Variants in CAMTA1 observed in about 807,000 individuals in gnomAD.
CAMTA1 encodes calmodulin-binding transcription activator 1.
In CAMTA1, 27 loss-of-function variants were observed where a neutral mutation model predicts 170.9. The observed-to-expected ratio is 0.16, with a 90% CI of 0.12 to 0.22. The LOEUF (loss-of-function observed/expected upper bound fraction) is 0.22, where lower values mean the gene tolerates loss of function less well. CAMTA1 is among the 10% of genes least tolerant of loss of function. The pLI is 1.00. For missense variants in CAMTA1, 1,619 were observed against 2,217.2 expected, an observed-to-expected ratio of 0.73 and a Z score of 5.42; for synonymous variants, 833 against 891.5, an observed-to-expected ratio of 0.93 and a Z score of 1.17.
chr1:7,412,649 T>A (rs1365387598), intron 5 of CAMTA1, among the ~76,000 whole-genome samples: 79 of 152,140 alleles, frequency 5.2e-4, no homozygotes, highest in African/African-American at 1.9e-3. Flanking sequence ...TAGATTCTGG[T>A]TATTAGCCCT....
At chr1:7,713,958 C>T (rs959363647) in intron 11 of CAMTA1, among the ~76,000 whole-genome samples, 6 of 152,168 alleles carry the variant, frequency 3.9e-5, no homozygotes, top group African/African-American at 1.4e-4. Flanking sequence ...CGGGGGTCCA[C>T]ACTGAAGAGG....
At chr1:7,163,371 T>G (rs1647663324) in intron 4 of CAMTA1, among the ~76,000 whole-genome samples, 1 of 151,436 alleles carries the variant, frequency 6.6e-6, no homozygotes, top group Non-Finnish European at 1.5e-5. Flanking sequence ...CATATGGATG[T>G]TGAGGTCATC....
intron 4 of CAMTA1, among the ~76,000 whole-genome samples, chr1:7,242,444 T>C (rs1574140586): frequency 6.6e-6 from 1 of 152,234 alleles, no homozygotes; most frequent in Non-Finnish European, 1.5e-5. Flanking sequence ...CAATCATGGT[T>C]AAGAAAGTTT....
intron 6 of CAMTA1, among the ~76,000 whole-genome samples, chr1:7,600,581 A>T (rs1368531173): frequency 6.6e-6 from 1 of 151,584 alleles, no homozygotes. Context: ...GAAGGTCAGC[A>T]GATAAGTGAA....
At chr1:7,421,824 A>ACCTATGTCTCCT (rs6143106) in intron 5 of CAMTA1, among the ~76,000 whole-genome samples, 141,861 of 152,046 alleles carry the variant, frequency 0.93, 66,308 homozygotes, top group East Asian at 1. Context: ...GACAGAGGGG[A>ACCTATGTCTCCT]CCATACCCTC....
At chr1:6,869,876 T>C (rs1269166672) in intron 3 of CAMTA1, among the ~76,000 whole-genome samples, 1 of 152,192 alleles carries the variant, frequency 6.6e-6, no homozygotes. Context: ...TTGGCAGAGA[T>C]TAAGCTGATA....
chr1:6,876,470 C>T (rs540556571), intron 3 of CAMTA1, among the ~76,000 whole-genome samples: 1 of 151,780 alleles, frequency 6.6e-6, no homozygotes, highest in African/African-American at 2.4e-5. Flanking sequence ...TCTACCGATT[C>T]TCCTGCCTCA....
intron 6 of CAMTA1, among the ~76,000 whole-genome samples, chr1:7,535,252 G>C (rs1422767334): frequency 1.3e-5 from 2 of 152,170 alleles, no homozygotes; most frequent in Non-Finnish European, 2.9e-5. Context: ...GGCACCCCTG[G>C]CAGGGCCCCC....
chr1:7,186,975 T>C (rs145835322), intron 4 of CAMTA1, among the ~76,000 whole-genome samples: 5 of 152,052 alleles, frequency 3.3e-5, no homozygotes, highest in African/African-American at 1.2e-4. Flanking sequence ...CAGAGTCTTC[T>C]TAGTAGGGGG....
At position 6,798,706 on chromosome 1, in the gene CAMTA1, C is replaced by T. The variant is rs560596431; in HGVS notation, c.45+13131C>T. On this transcript the variant is annotated intron_variant, in intron 1 of 22. Coordinates refer to ENST00000303635, the MANE Select transcript of CAMTA1 (RefSeq NM_015215.4). Reference sequence around the variant, plus strand: ...CCGCTTCCCGGGTTCACGCCATTCTCCTGCCTCAGCCTCCCGAGTAGCTGG... The same window carrying T: ...CCGCTTCCCGGGTTCACGCCATTCTTCTGCCTCAGCCTCCCGAGTAGCTGG... Among the ~76,000 whole-genome samples, 30 of 138,416 alleles carry T rather than the reference C, an allele frequency of 2.2e-4. 7 individuals carry two copies. The highest frequency in any genetic ancestry group is 7.7e-4 in the African/African-American group (28 of 36,324). The allele number at this position is 138,416 out of a possible 152,430, so 90.8% of individuals were successfully genotyped here.
chr1:7,501,574 A>C (rs946379606), intron 6 of CAMTA1, among the ~76,000 whole-genome samples: 2 of 151,750 alleles, frequency 1.3e-5, no homozygotes, highest in African/African-American at 4.8e-5. Context: ...TAGCAAATGA[A>C]AATTGTAGAT....
intron 11 of CAMTA1, among the ~76,000 whole-genome samples, chr1:7,709,207 G>A (rs2096550753): frequency 1.3e-5 from 2 of 152,168 alleles, no homozygotes; most frequent in African/African-American, 2.4e-5. Flanking sequence ...AGCTGTTTAT[G>A]GGGTGCAGAG....
rs535262141 is a variant in CAMTA1 at position 7,631,659 on chromosome 1, A to G, written c.511-8741A>G. Among the ~76,000 whole-genome samples the G allele has an allele frequency of 1.3e-5, 2 of 152,260 alleles. 1 individual carries two copies. The highest frequency in any genetic ancestry group is 3.9e-4 in the East Asian group (2 of 5,166). On this transcript the variant is annotated intron_variant, in intron 6 of 22. Transcript: ENST00000303635. ...AGGCAGGGAAGAGAGACCCAAGGAG[A>G]CAGCAGCCTGCAGGGGCCGGCAGAT...
At chr1:7,280,890 G>T (rs941986164) in intron 5 of CAMTA1, among the ~76,000 whole-genome samples, 3 of 152,188 alleles carry the variant, frequency 2.0e-5, no homozygotes, top group East Asian at 3.8e-4. Context: ...GCTGTAACTT[G>T]TACACTTTTT....
At chr1:7,544,175 G>A (rs2094654440) in intron 6 of CAMTA1, among the ~76,000 whole-genome samples, 1 of 152,120 alleles carries the variant, frequency 6.6e-6, no homozygotes. Flanking sequence ...GAATCATGGT[G>A]GGAAGCAAAA....
chr1:6,816,902 G>T (rs541580369), intron 1 of CAMTA1, among the ~76,000 whole-genome samples: 1 of 152,314 alleles, frequency 6.6e-6, no homozygotes, highest in African/African-American at 2.4e-5. Context: ...TCTTATCATG[G>T]AAGTTTTTTT....
At chr1:6,966,891 C>T (rs1691652296) in intron 3 of CAMTA1, among the ~76,000 whole-genome samples, 1 of 150,440 alleles carries the variant, frequency 6.6e-6, no homozygotes, top group African/African-American at 2.4e-5. Flanking sequence ...GGATTACAGG[C>T]ATGAGCCACC....
In CAMTA1 at chr1:7,705,631, T is replaced by G. The variant is rs1577056567; in HGVS notation, c.2915-26817T>G. 2.0e-5 allele frequency among the ~76,000 whole-genome samples: 3 copies of G among 152,068 alleles called. No homozygotes were observed. In the East Asian group the frequency reaches 5.8e-4, roughly 30 times the overall value. On this transcript the variant is annotated intron_variant, in intron 11 of 22. Coordinates refer to ENST00000303635, the MANE Select transcript of CAMTA1 (RefSeq NM_015215.4). ...CGGGTTTTTGGGACCCAGTGCCGCC[T>G]CCTTCCCGCGGCGGGGCCCGCGGAG...
At chr1:6,803,774 G>C (rs1332066403) in intron 1 of CAMTA1, among the ~76,000 whole-genome samples, 1 of 152,154 alleles carries the variant, frequency 6.6e-6, no homozygotes, top group Non-Finnish European at 1.5e-5. Flanking sequence ...GAGTGCAGAG[G>C]TGTGATCGTA....
Sources: gnomAD v4.1 joint callset for allele counts (sites outside exome capture counted in the v4.1 genomes callset) on GRCh38, gnomAD v4.1.1 for gene constraint, MANE v1.5 for transcripts, NCBI Gene and HGNC (gene_info 2026-07-23, HGNC 2026-07-21) for gene names.